Variants in CDK5RAP2 observed in about 807,000 individuals in gnomAD.
CDK5RAP2 encodes CDK5 regulatory subunit associated protein 2, also known as CDK5 regulatory subunit-associated protein 2.
Under a neutral mutation model 232.9 loss-of-function variants are expected in CDK5RAP2, and 147 were observed. The ratio of observed to expected loss-of-function variants is 0.63; its 90% CI spans 0.55 to 0.72. CDK5RAP2 has a LOEUF of 0.72. Among genes scored for constraint, CDK5RAP2 ranks in the 30% least tolerant of loss-of-function variants. The probability of loss-of-function intolerance (pLI) is 0.00; values close to 1 mark genes in which losing one functional copy is unlikely to be tolerated. For synonymous variants in CDK5RAP2, 833 were observed against 833.7 expected, an observed-to-expected ratio of 1.00 and a Z score of 0.01; for missense variants, 2,195 against 2,231.5, an observed-to-expected ratio of 0.98 and a Z score of 0.33.
At chr9:120,558,504 A>G (rs778699754) in intron 3 of CDK5RAP2, among the ~76,000 whole-genome samples, 4 of 149,178 alleles carry the variant, frequency 2.7e-5, no homozygotes, top group Non-Finnish European at 1.5e-5. Context: ...TCTTTTTTCC[A>G]TCATTCTTAG....
chr9:120,491,932 G>A (rs2038929171), intron 12 of CDK5RAP2, among the ~76,000 whole-genome samples: 1 of 152,090 alleles, frequency 6.6e-6, no homozygotes. Context: ...TAGAGGAATT[G>A]TGGGTAATTT....
intron 13 of CDK5RAP2, among the ~76,000 whole-genome samples, chr9:120,490,322 G>A (rs1466753588): frequency 6.6e-6 from 1 of 152,176 alleles, no homozygotes; most frequent in Non-Finnish European, 1.5e-5. Context: ...GCATCTCACT[G>A]CTGGGCATGC....
At chr9:120,397,233 G>C (rs2032550323) in intron 35 of CDK5RAP2, among the ~76,000 whole-genome samples, 2 of 152,150 alleles carry the variant, frequency 1.3e-5, no homozygotes, top group Admixed American at 6.5e-5. Flanking sequence ...AGAAAGAACT[G>C]GATAATGAAC....
chr9:120,553,447 T>C (rs2042117390), intron 3 of CDK5RAP2, among the ~76,000 whole-genome samples: 1 of 152,236 alleles, frequency 6.6e-6, no homozygotes, highest in Admixed American at 6.5e-5. Flanking sequence ...TCTCCCTCTC[T>C]GTTTCATACA....
chr9:120,411,366 C>T lies in CDK5RAP2; in HGVS notation c.4406G>A (p.Gly1469Glu). 3.2e-6 allele frequency: 5 copies of T among 1,584,038 alleles called. No individual in the cohort carries two copies. Among genetic ancestry groups the T allele is most frequent in the Non-Finnish European group, 4.3e-6 (5 of 1,152,632 alleles). The change falls in exon 29 of 38, where the codon GGA becomes GAA. Residue 1469 changes from glycine to glutamate, a missense_variant. By Grantham distance (98) the Gly-to-Glu change is moderately conservative. Transcript: ENST00000349780. Reference sequence around the variant, plus strand: ...ACTCCTTTAACTCTTACCTCTGGATCCTTTAATGAGCATTGCATTGAGGGC... The same window carrying T: ...ACTCCTTTAACTCTTACCTCTGGATTCTTTAATGAGCATTGCATTGAGGGC... ...NQALNAMLIK[G>E]SRDKQKENDK...
At chr9:120,495,105 G>A (rs1195806772) in intron 12 of CDK5RAP2, among the ~76,000 whole-genome samples, 6 of 48,600 alleles carry the variant, frequency 1.2e-4, no homozygotes, top group Non-Finnish European at 2.2e-4. Flanking sequence ...CGAGGGCAAG[G>A]AGCAGCCGCC....
intron 25 of CDK5RAP2, among the ~76,000 whole-genome samples, chr9:120,435,235 T>C (rs2035507962): frequency 6.6e-6 from 1 of 151,892 alleles, no homozygotes; most frequent in Non-Finnish European, 1.5e-5. Context: ...ACTCTTCCAG[T>C]GGGTTTGTTT....
In CDK5RAP2 at chr9:120,403,968, T is replaced by A; in HGVS notation, c.5041+68A>T. The stretch of plus-strand genomic sequence containing the variant: ...GAGTTGGGACCAGGGACCCCCCTTT[T>A]CTGCAAGTTAAAAAGTCTTACTGTC... On this transcript the variant is annotated intron_variant, in intron 33 of 37. Transcript: ENST00000349780. This position sits in a 1 kb window ranked among gnomAD's most constrained non-coding sequence, Gnocchi z 4.2. 1.8e-6 allele frequency: 2 copies of A among 1,096,434 alleles called. No individual in the cohort carries two copies. Among genetic ancestry groups the A allele is most frequent in the South Asian group, 1.2e-5 (1 of 80,374 alleles). The allele number at this position is 1,096,434 out of a possible 1,614,324, so 67.9% of individuals were successfully genotyped here. A position where few individuals can be genotyped will look rare whatever the true frequency, so the allele number is the denominator to read the frequency against.
At chr9:120,401,544 C>G (rs2033005919) in intron 34 of CDK5RAP2, among the ~76,000 whole-genome samples, 2 of 126,600 alleles carry the variant, frequency 1.6e-5, no homozygotes, top group Non-Finnish European at 3.1e-5. Flanking sequence ...TCCAGGAGGT[C>G]AAGGCTGCAG....
At chr9:120,498,009 C>A (rs577146810) in intron 12 of CDK5RAP2, among the ~76,000 whole-genome samples, 1 of 152,184 alleles carries the variant, frequency 6.6e-6, no homozygotes, top group African/African-American at 2.4e-5. Context: ...TGGCTCCTTG[C>A]TCTCCCAGGA....
Position 120,453,609 on chromosome 9 carries a change from G to T in CDK5RAP2, c.2640C>A (p.Gly880=). The T allele has an allele frequency of 1.2e-6, 2 of 1,614,104 alleles. No homozygotes were observed. The highest frequency in any genetic ancestry group is 1.7e-6 in the Non-Finnish European group (2 of 1,180,028). ...DASVQTVATE[G]DLLRFKHEAT... ...CTTCATGCTTGAATCTCAGCAGGTCGCCCTCCGTGGCCACAGTCTGCACTG... is the reference window on the plus strand; with the variant it reads ...CTTCATGCTTGAATCTCAGCAGGTCTCCCTCCGTGGCCACAGTCTGCACTG... The change falls in exon 21 of 38, where the codon GGC becomes GGA. Residue 880 remains glycine (G), a synonymous_variant. Transcript: ENST00000349780.
rs1289177208 is a variant in CDK5RAP2 at position 120,419,868 on chromosome 9, T to C, written c.4097A>G (p.Glu1366Gly). ...SHALSDYETS[E>G]KSFFSRDQKQ... ...CTGGTCTCGTGAGAAGAAGGACTTT[T>C]CAGATGTTTCATAATCAGAGAGCGC... Residue 1366 changes from glutamate to glycine, a missense_variant, in exon 27 of 38, where the codon GAA becomes GGA. By Grantham distance (98) the Glu-to-Gly change is moderately conservative. Coordinates refer to ENST00000349780, the MANE Select transcript of CDK5RAP2 (RefSeq NM_018249.6). 1 of 1,613,744 alleles carries C rather than the reference T, an allele frequency of 6.2e-7. No individual in the cohort carries two copies. The highest frequency in any genetic ancestry group is 1.1e-5 in the South Asian group (1 of 91,074).
At chr9:120,545,523 T>TTCA (rs1453148305) in intron 5 of CDK5RAP2, among the ~76,000 whole-genome samples, 191 bp downstream of exon 5, 1 of 152,330 alleles carries the variant, frequency 6.6e-6, no homozygotes, top group Admixed American at 6.5e-5. Context: ...TTAAGATCTG[T>TTCA]TCATTTTTCT....
At chr9:120,416,030 A>G (rs1326888136) in intron 27 of CDK5RAP2, among the ~76,000 whole-genome samples, 2 of 150,824 alleles carry the variant, frequency 1.3e-5, no homozygotes, top group African/African-American at 4.9e-5. Flanking sequence ...CAACTTATAG[A>G]AAAAAAAAAT....
At chr9:120,416,459 G>A (rs1041177245) in intron 27 of CDK5RAP2, among the ~76,000 whole-genome samples, 2 of 152,140 alleles carry the variant, frequency 1.3e-5, no homozygotes, top group Admixed American at 1.3e-4. Flanking sequence ...TTAAAAATTT[G>A]TACAGACAAG....
chr9:120,392,162 G>C (rs1430955553), intron 36 of CDK5RAP2, among the ~76,000 whole-genome samples: 3 of 152,170 alleles, frequency 2.0e-5, no homozygotes, highest in African/African-American at 7.2e-5. Context: ...CTGCCCCCGA[G>C]ACTGTGCTAA....
chr9:120,528,606 T>C, intron 9 of CDK5RAP2, 138 bp downstream of exon 9: 1 of 702,358 alleles, frequency 1.4e-6, no homozygotes, highest in Non-Finnish European at 2.6e-6. Flanking sequence ...CTAGAGTACC[T>C]TATGCTTGAC....
intron 25 of CDK5RAP2, among the ~76,000 whole-genome samples, chr9:120,433,921 C>A (rs1203632268): frequency 2.0e-5 from 3 of 152,182 alleles, no homozygotes; most frequent in African/African-American, 7.2e-5. Flanking sequence ...TACGTGTCCA[C>A]CATACATCAA....
At chr9:120,555,033 T>C (rs2042174070) in intron 3 of CDK5RAP2, among the ~76,000 whole-genome samples, 1 of 147,630 alleles carries the variant, frequency 6.8e-6, no homozygotes, top group African/African-American at 2.5e-5. Context: ...AATGGAAAGA[T>C]AGAAAGTCTC....
Sources: gnomAD v4.1 joint callset for allele counts (sites outside exome capture counted in the v4.1 genomes callset) on GRCh38, gnomAD v4.1.1 for gene constraint, Gnocchi (gnomAD v3.1) non-coding constraint, MANE v1.5 for transcripts, NCBI Gene and HGNC (gene_info 2026-07-23, HGNC 2026-07-21) for gene names.